TMEFF2: variants seen among roughly 807,000 people sequenced by gnomAD.
The protein encoded by TMEFF2 is transmembrane protein with EGF like and two follistatin like domains 2.
TMEFF2 carries 28 observed loss-of-function variants against 53.8 expected under a neutral mutation model. That is an observed-to-expected ratio of 0.52 (90% confidence interval 0.39 to 0.71). TMEFF2 has a LOEUF of 0.71. TMEFF2 is among the 30% of genes least tolerant of loss of function. The probability of loss-of-function intolerance (pLI) is 0.00; values close to 1 mark genes in which losing one functional copy is unlikely to be tolerated. For missense variants in TMEFF2, 353 were observed against 455.2 expected (o/e 0.78, Z 2.04); for synonymous variants, 162 against 166.3 (o/e 0.97, Z 0.20).
intron 5 of TMEFF2, among the ~76,000 whole-genome samples, chr2:192,043,307 G>T (rs938170186): frequency 6.6e-6 from 1 of 152,174 alleles, no homozygotes; most frequent in African/African-American, 2.4e-5. Flanking sequence ...TCTCAGACTA[G>T]AGCCAGTTTA....
intron 5 of TMEFF2, among the ~76,000 whole-genome samples, chr2:192,055,097 T>G (rs1176987977): frequency 6.6e-6 from 1 of 152,136 alleles, no homozygotes; most frequent in Admixed American, 6.6e-5. Flanking sequence ...TGAAACAATT[T>G]ATAAGAAAAC....
intron 4 of TMEFF2, among the ~76,000 whole-genome samples, chr2:192,092,370 G>A (rs1574365180): frequency 6.6e-6 from 1 of 151,922 alleles, no homozygotes; most frequent in East Asian, 1.9e-4. Context: ...CAAGTATGTG[G>A]TACACAAAGA....
chr2:192,172,968 C>T (rs1166717042), intron 4 of TMEFF2, among the ~76,000 whole-genome samples: 1 of 151,870 alleles, frequency 6.6e-6, no homozygotes, highest in Non-Finnish European at 1.5e-5. Flanking sequence ...TCTTCATCTA[C>T]ACATCCAAAA....
chr2:192,144,947 C>A (rs1278379045), intron 4 of TMEFF2, among the ~76,000 whole-genome samples: 6 of 151,866 alleles, frequency 4.0e-5, no homozygotes, highest in African/African-American at 1.4e-4. Context: ...CAAAAAAATA[C>A]AAATCTGGGA....
chr2:192,178,266 C>A (rs1691098517), intron 4 of TMEFF2: 1 of 150,676 alleles, frequency 6.6e-6, no homozygotes, highest in African/African-American at 2.4e-5. Context: ...AATAATATTC[C>A]CATGGTAAAA....
At chr2:192,017,180 C>T (rs1288996078) in intron 5 of TMEFF2, among the ~76,000 whole-genome samples, 1 of 152,142 alleles carries the variant, frequency 6.6e-6, no homozygotes, top group Non-Finnish European at 1.5e-5. Flanking sequence ...TGGAGGTTCC[C>T]ATGCACTGGG....
chr2:192,140,365 G>T (rs1390595749), intron 4 of TMEFF2, among the ~76,000 whole-genome samples: 2 of 152,186 alleles, frequency 1.3e-5, no homozygotes, highest in Non-Finnish European at 2.9e-5. Flanking sequence ...ATTTGTTGAA[G>T]CTCACTATGA....
At chr2:192,168,770 C>T (rs1285259604) in intron 4 of TMEFF2, among the ~76,000 whole-genome samples, 1 of 152,062 alleles carries the variant, frequency 6.6e-6, no homozygotes, top group Non-Finnish European at 1.5e-5. Context: ...ATTTAAATGG[C>T]AGCATGCGAA....
intron 4 of TMEFF2, among the ~76,000 whole-genome samples, chr2:192,121,312 T>C (rs910712247): frequency 6.6e-6 from 1 of 152,126 alleles, no homozygotes; most frequent in Non-Finnish European, 1.5e-5. Context: ...GTCTCGGTCA[T>C]AACAACTATG....
At chr2:191,997,459 T>C (rs1686250881) in intron 7 of TMEFF2, among the ~76,000 whole-genome samples, 1 of 151,712 alleles carries the variant, frequency 6.6e-6, no homozygotes, top group African/African-American at 2.4e-5. Flanking sequence ...CTCTTTTTGA[T>C]TGAATATTTA....
chr2:192,007,106 T>G (rs576021396), intron 5 of TMEFF2, among the ~76,000 whole-genome samples: 2 of 152,350 alleles, frequency 1.3e-5, no homozygotes, highest in Admixed American at 6.5e-5. Flanking sequence ...ACATCTTTTT[T>G]CCCTTTCCTA....
intron 4 of TMEFF2, among the ~76,000 whole-genome samples, chr2:192,106,975 T>G (rs1197020812): frequency 6.6e-6 from 1 of 151,610 alleles, no homozygotes; most frequent in African/African-American, 2.4e-5. Flanking sequence ...GCATGTCTAT[T>G]TGGCTGGGAT....
chr2:192,111,764 C>T (rs752996333), intron 4 of TMEFF2, among the ~76,000 whole-genome samples: 3 of 152,066 alleles, frequency 2.0e-5, no homozygotes, highest in South Asian at 2.1e-4. Context: ...TAAAAATGGT[C>T]GGCTGGGCCC....
At chr2:192,094,321 T>C (rs533199861) in intron 4 of TMEFF2, among the ~76,000 whole-genome samples, 23 of 152,304 alleles carry the variant, frequency 1.5e-4, no homozygotes, top group Non-Finnish European at 2.1e-4. Flanking sequence ...CTCATTTTAA[T>C]GTGTGATGCA....
intron 5 of TMEFF2, among the ~76,000 whole-genome samples, chr2:192,041,966 T>A (rs1262758644): frequency 6.6e-6 from 1 of 152,048 alleles, no homozygotes; most frequent in East Asian, 1.9e-4. Context: ...TCCCATGGGC[T>A]GGGGGAGGTG....
chr2:192,107,962 T>A (rs1689190286), intron 4 of TMEFF2, among the ~76,000 whole-genome samples: 1 of 151,206 alleles, frequency 6.6e-6, no homozygotes, highest in Admixed American at 6.6e-5. Context: ...TTTTTTTTTT[T>A]AGAAAACAGA....
chr2:192,181,099 T>C (rs1307478224), intron 3 of TMEFF2, among the ~76,000 whole-genome samples: 2 of 151,770 alleles, frequency 1.3e-5, no homozygotes, highest in African/African-American at 2.4e-5. Context: ...TTAATGATAA[T>C]AGACCAAGAA....
intron 7 of TMEFF2, among the ~76,000 whole-genome samples, chr2:191,988,250 T>C (rs924121660): frequency 6.6e-6 from 1 of 152,220 alleles, no homozygotes; most frequent in Non-Finnish European, 1.5e-5. Flanking sequence ...GGTCTGCCTG[T>C]TGGTTGTTTC....
At chr2:192,008,894 A>G (rs1302954713) in intron 5 of TMEFF2, among the ~76,000 whole-genome samples, 1 of 152,216 alleles carries the variant, frequency 6.6e-6, no homozygotes, top group Non-Finnish European at 1.5e-5. Flanking sequence ...GTGTATGAAC[A>G]TCATTACAGT....
Sources: gnomAD v4.1 joint callset for allele counts (sites outside exome capture counted in the v4.1 genomes callset) on GRCh38, gnomAD v4.1.1 for gene constraint, MANE v1.5 for transcripts, NCBI Gene and HGNC (gene_info 2026-07-23, HGNC 2026-07-21) for gene names.